The following TIAM1 variants were observed in gnomAD, a reference collection of about 807,000 sequenced individuals.
The protein encoded by TIAM1 is rho guanine nucleotide exchange factor TIAM1.
A neutral mutation model predicts 163.5 loss-of-function variants in TIAM1; 65 were observed. The ratio of observed to expected loss-of-function variants is 0.40; its 90% CI spans 0.33 to 0.49. TIAM1 has a LOEUF of 0.49. Among genes scored for constraint, TIAM1 ranks in the 20% least tolerant of loss-of-function variants. The probability of loss-of-function intolerance (pLI) is 0.77; values close to 1 mark genes in which losing one functional copy is unlikely to be tolerated. For missense variants in TIAM1, 1,789 were observed against 2,044.7 expected (o/e 0.87, Z 2.41); for synonymous variants, 833 against 810.1 (o/e 1.03, Z -0.48).
chr21:31,494,923 G>A (rs2046590601), intron 1 of TIAM1, among the ~76,000 whole-genome samples: 1 of 152,098 alleles, frequency 6.6e-6, no homozygotes, highest in African/African-American at 2.4e-5. Context: ...AAGTGCAATA[G>A]AATTAGAGGT....
chr21:31,507,185 T>C (rs1425022782), intron 1 of TIAM1, among the ~76,000 whole-genome samples: 1 of 8,828 alleles, frequency 1.1e-4, no homozygotes, highest in Non-Finnish European at 2.4e-4. Flanking sequence ...TTTAATTTTT[T>C]TTTTTTTTTT....
intron 16 of TIAM1, among the ~76,000 whole-genome samples, chr21:31,155,679 T>C (rs2083586288): frequency 6.6e-6 from 1 of 152,118 alleles, no homozygotes; most frequent in Non-Finnish European, 1.5e-5. Context: ...TATTTTTTTG[T>C]ATTTTTAGGA....
At chr21:31,548,495 T>C (rs1288740536) in intron 1 of TIAM1, among the ~76,000 whole-genome samples, 1 of 148,998 alleles carries the variant, frequency 6.7e-6, no homozygotes, top group Non-Finnish European at 1.5e-5. Context: ...TTGTTGTTTT[T>C]TTTTTTTTTT....
intron 1 of TIAM1, among the ~76,000 whole-genome samples, chr21:31,505,082 C>T (rs1700377811): frequency 6.6e-6 from 1 of 152,124 alleles, no homozygotes; most frequent in Admixed American, 6.6e-5. Context: ...TGAGTGAGGA[C>T]CCCATGGGCC....
At chr21:31,287,601 G>C (rs569594821) in intron 2 of TIAM1, among the ~76,000 whole-genome samples, 1 of 152,162 alleles carries the variant, frequency 6.6e-6, no homozygotes, top group African/African-American at 2.4e-5. Context: ...ACAGGGATAG[G>C]AGAGAGTTTA....
intron 2 of TIAM1, among the ~76,000 whole-genome samples, chr21:31,296,645 T>C (rs190753005): frequency 6.4e-4 from 97 of 152,216 alleles, no homozygotes; most frequent in Non-Finnish European, 1.3e-3. Flanking sequence ...CCTTTTAGTT[T>C]CAATTTGAGA....
At chr21:31,535,351 A>G (rs2048096786) in intron 1 of TIAM1, among the ~76,000 whole-genome samples, 1 of 125,862 alleles carries the variant, frequency 7.9e-6, no homozygotes, top group Non-Finnish European at 1.6e-5. Flanking sequence ...ACTGCACTCC[A>G]GCCTGGGCGA....
chr21:31,174,464 T>G (rs2084668900), intron 15 of TIAM1, among the ~76,000 whole-genome samples: 1 of 152,176 alleles, frequency 6.6e-6, no homozygotes, highest in Admixed American at 6.5e-5. Context: ...GCCTGAGGTT[T>G]ATCAAAGGAT....
At chr21:31,539,494 T>C (rs1443060232) in intron 1 of TIAM1, among the ~76,000 whole-genome samples, 4 of 151,904 alleles carry the variant, frequency 2.6e-5, no homozygotes, top group African/African-American at 9.7e-5. Flanking sequence ...CTTGATCTCC[T>C]GACCTCGTGA....
chr21:31,269,947 A>G (rs1402946159), intron 3 of TIAM1, among the ~76,000 whole-genome samples: 1 of 152,240 alleles, frequency 6.6e-6, no homozygotes, highest in Non-Finnish European at 1.5e-5. Flanking sequence ...CTGGGATTAC[A>G]GGCGTGAGCC....
chr21:31,457,690 GTAAATGA>G (rs3216558), intron 2 of TIAM1, among the ~76,000 whole-genome samples: 14,034 of 152,174 alleles, frequency 0.092, 858 homozygotes, highest in East Asian at 0.13. Context: ...ACACTAATAG[GTAAATGA>G]TAAAGAATGG....
intron 1 of TIAM1, among the ~76,000 whole-genome samples, chr21:31,498,500 C>T (rs73345617): frequency 0.049 from 7,414 of 152,310 alleles, 446 homozygotes; most frequent in African/African-American, 0.14. Context: ...AAGATCCCGG[C>T]TCCATGACCC....
At chr21:31,369,696 C>T (rs987995000) in intron 2 of TIAM1, among the ~76,000 whole-genome samples, 2 of 152,062 alleles carry the variant, frequency 1.3e-5, no homozygotes, top group Admixed American at 6.5e-5. Flanking sequence ...ACAATTATTA[C>T]ATGTCAACTA....
Position 31,266,790 on chromosome 21 carries a change from G to A in TIAM1, c.183C>T (p.Thr61=). 6.2e-7 allele frequency: 1 copy of A among 1,614,216 alleles called. No homozygotes were observed. The highest frequency in any genetic ancestry group is 1.3e-5 in the African/African-American group (1 of 75,046). ...CAGCCAGGGACTGGGGGATGCTGGG[G>A]GTGCTGCTGGATCGGGTGCTCACTT... ...NSEVSTRSSS[T]PSIPQSLAEN... is the part of the protein sequence containing the mutation. The change falls in exon 4 of 28, where the codon ACC becomes ACT. Residue 61 remains threonine, a synonymous_variant. Transcript: ENST00000541036.
chr21:31,544,313 G>C (rs1271296932), intron 1 of TIAM1, among the ~76,000 whole-genome samples: 1 of 60,350 alleles, frequency 1.7e-5, no homozygotes, highest in African/African-American at 3.9e-5. Context: ...ATGAGGTCAG[G>C]ATGAAAAGCC....
chr21:31,439,981 A>G (rs1462082000), intron 2 of TIAM1, among the ~76,000 whole-genome samples: 2 of 152,168 alleles, frequency 1.3e-5, no homozygotes, highest in Non-Finnish European at 2.9e-5. Context: ...TAGGGTCTTG[A>G]TCACCGGCAA....
chr21:31,393,450 C>T (rs1299420831), intron 2 of TIAM1, among the ~76,000 whole-genome samples: 1 of 152,172 alleles, frequency 6.6e-6, no homozygotes, highest in Non-Finnish European at 1.5e-5. Flanking sequence ...CAGCAGCATC[C>T]TCTGCCTCTG....
intron 2 of TIAM1, among the ~76,000 whole-genome samples, chr21:31,297,117 C>G (rs1002232297): frequency 1.3e-5 from 2 of 152,088 alleles, no homozygotes; most frequent in African/African-American, 4.8e-5. Flanking sequence ...ATGGCACTAG[C>G]GGTGAGTAAA....
At chr21:31,492,824 C>A (rs1251075445) in intron 1 of TIAM1, among the ~76,000 whole-genome samples, 2 of 139,644 alleles carry the variant, frequency 1.4e-5, no homozygotes, top group Non-Finnish European at 3.1e-5. Flanking sequence ...CACACACACA[C>A]GTTAAGTGAA....
Sources: allele counts gnomAD v4.1 joint callset (sites outside exome capture counted in the v4.1 genomes callset), GRCh38; gene constraint gnomAD v4.1.1; transcripts MANE v1.5; gene names NCBI Gene and HGNC (gene_info 2026-07-23, HGNC 2026-07-21).